Variants in RUNDC3B observed in about 807,000 individuals in gnomAD.
The protein encoded by RUNDC3B is RUN domain-containing protein 3B.
In RUNDC3B, 33 loss-of-function variants were observed where a neutral mutation model predicts 58.4. The ratio of observed to expected loss-of-function variants is 0.56; its 90% CI spans 0.43 to 0.75. The LOEUF is 0.75. Among genes scored for constraint, RUNDC3B ranks in the 30% least tolerant of loss-of-function variants. RUNDC3B has a pLI of 0.00. For synonymous variants in RUNDC3B, 193 were observed against 195.2 expected (o/e 0.99, Z 0.10); for missense variants, 501 against 535.7 (o/e 0.94, Z 0.64).
chr7:87,703,915 T>TTTTTTTTTTTTTTTTTTTTTTTG (rs1829353831), intron 3 of RUNDC3B, among the ~76,000 whole-genome samples: 1 of 18,530 alleles, frequency 5.4e-5, no homozygotes, highest in Non-Finnish European at 1.1e-4. Flanking sequence ...TTTTTTTTGG[T>TTTTTTTTTTTTTTTTTTTTTTTG]TTTTTTTTTT....
intron 6 of RUNDC3B, among the ~76,000 whole-genome samples, chr7:87,746,871 TTTGG>T: frequency 6.6e-6 from 1 of 152,328 alleles, no homozygotes; most frequent in South Asian, 2.1e-4. Context: ...GCCTGTGTAC[TTTGG>T]TTATTTGTTT....
intron 4 of RUNDC3B, chr7:87,713,012 CT>C (rs1830225751): frequency 6.6e-6 from 1 of 152,038 alleles, no homozygotes; most frequent in Admixed American, 6.6e-5. Flanking sequence ...TTTTCTCCCC[CT>C]ATTTACACTA....
chr7:87,750,809 T>C (rs1408243084), intron 6 of RUNDC3B, among the ~76,000 whole-genome samples: 1 of 151,008 alleles, frequency 6.6e-6, no homozygotes, highest in African/African-American at 2.4e-5. Flanking sequence ...GTTGCGAAAA[T>C]TTTCTCCCAT....
chr7:87,801,420 T>A (rs569322907), intron 8 of RUNDC3B, among the ~76,000 whole-genome samples: 1 of 152,144 alleles, frequency 6.6e-6, no homozygotes, highest in Non-Finnish European at 1.5e-5. Context: ...ATAACTTTTA[T>A]TGGGACTGTT....
intron 4 of RUNDC3B, among the ~76,000 whole-genome samples, chr7:87,737,849 A>G (rs1199072377): frequency 6.6e-6 from 1 of 152,032 alleles, no homozygotes; most frequent in African/African-American, 2.4e-5. Flanking sequence ...AAATTTACTT[A>G]TTTACTAATG....
chr7:87,784,613 A>G (rs1835105235), intron 8 of RUNDC3B, among the ~76,000 whole-genome samples: 1 of 151,878 alleles, frequency 6.6e-6, no homozygotes, highest in Admixed American at 6.6e-5. Context: ...GGCATTTAAG[A>G]GTAAGGGCTG....
At chr7:87,759,174 A>G (rs1833540991) in intron 6 of RUNDC3B, among the ~76,000 whole-genome samples, 1 of 152,204 alleles carries the variant, frequency 6.6e-6, no homozygotes, top group African/African-American at 2.4e-5. Context: ...AAATCCTGTC[A>G]TCTGCAACAA....
chr7:87,820,661 C>A (rs1446528720), intron 10 of RUNDC3B, among the ~76,000 whole-genome samples: 1 of 152,134 alleles, frequency 6.6e-6, no homozygotes, highest in African/African-American at 2.4e-5. Context: ...CAAACCGAAT[C>A]CAGCAGCACA....
chr7:87,659,900 A>G (rs1450783114), intron 2 of RUNDC3B, among the ~76,000 whole-genome samples: 1 of 152,160 alleles, frequency 6.6e-6, no homozygotes, highest in Non-Finnish European at 1.5e-5. Context: ...TTTAATGTGA[A>G]GAATTACATC....
chr7:87,813,083 T>C (rs551667241), intron 9 of RUNDC3B, among the ~76,000 whole-genome samples: 1 of 152,340 alleles, frequency 6.6e-6, no homozygotes, highest in Admixed American at 6.5e-5. Flanking sequence ...TTCTTAATAT[T>C]TTATTAATGA....
chr7:87,798,248 T>G (rs1835917647), intron 8 of RUNDC3B, among the ~76,000 whole-genome samples: 1 of 152,194 alleles, frequency 6.6e-6, no homozygotes, highest in African/African-American at 2.4e-5. Context: ...CCTTTTAAAT[T>G]GAGTTTGTAA....
chr7:87,688,368 A>G (rs1827679594), intron 2 of RUNDC3B, among the ~76,000 whole-genome samples: 1 of 152,028 alleles, frequency 6.6e-6, no homozygotes, highest in Non-Finnish European at 1.5e-5. Flanking sequence ...CACATTTTAT[A>G]TAATGTAATA....
intron 2 of RUNDC3B, among the ~76,000 whole-genome samples, chr7:87,671,251 C>T (rs148262945): frequency 8.2e-4 from 125 of 152,254 alleles, no homozygotes; most frequent in African/African-American, 2.8e-3. Context: ...GGTGTGGACA[C>T]GACACTTAGG....
rs1483023872 is a variant in RUNDC3B, at chr7:87,726,884, T to C, written c.459-12907T>C. 4.6e-5 allele frequency among the ~76,000 whole-genome samples: 7 copies of C among 152,266 alleles called. No homozygotes were observed. The East Asian group carries it at 1.4e-3, about 29-fold the overall frequency. On this transcript the variant is annotated intron_variant, in intron 4 of 10. Transcript: ENST00000394654. ...GGAGTTCACTCATGATTTGGCTCTC[T>C]GTTTGTCTGTTATTGGTGTATAAGA...
At chr7:87,680,012 G>C (rs1226803629) in intron 2 of RUNDC3B, among the ~76,000 whole-genome samples, 1 of 150,446 alleles carries the variant, frequency 6.6e-6, no homozygotes, top group Non-Finnish European at 1.5e-5. Flanking sequence ...TTCTCCTAAT[G>C]TTATCCCTAC....
chr7:87,740,625 CTT>C (rs749524001), intron 5 of RUNDC3B, among the ~76,000 whole-genome samples: 6 of 152,132 alleles, frequency 3.9e-5, no homozygotes, highest in Non-Finnish European at 7.4e-5. Flanking sequence ...TGAAATTCTA[CTT>C]TTGAGTCTTG....
chr7:87,711,992 A>C (rs1235769492), intron 4 of RUNDC3B, among the ~76,000 whole-genome samples: 1 of 152,186 alleles, frequency 6.6e-6, no homozygotes, highest in Non-Finnish European at 1.5e-5. Flanking sequence ...AGGGTTTGAC[A>C]TTCTGGATTT....
chr7:87,828,861 A>G (rs1445699728), intron 10 of RUNDC3B, among the ~76,000 whole-genome samples: 1 of 152,196 alleles, frequency 6.6e-6, no homozygotes, highest in African/African-American at 2.4e-5. Context: ...ACAAATGTGT[A>G]ACAGGCAAAT....
At chr7:87,738,362 T>C (rs1303025564) in intron 4 of RUNDC3B, among the ~76,000 whole-genome samples, 15 of 152,028 alleles carry the variant, frequency 9.9e-5, no homozygotes, top group Non-Finnish European at 1.5e-5. Context: ...TTTATTTTAC[T>C]AATTTTGTTA....
Sources: gnomAD v4.1 joint callset for allele counts (sites outside exome capture counted in the v4.1 genomes callset) on GRCh38, gnomAD v4.1.1 for gene constraint, MANE v1.5 for transcripts, NCBI Gene and HGNC (gene_info 2026-07-23, HGNC 2026-07-21) for gene names.